Variants in CSMD3 observed in about 807,000 individuals in gnomAD.
The protein encoded by CSMD3 is CUB and sushi domain-containing protein 3.
Under a neutral mutation model 435.2 loss-of-function variants are expected in CSMD3, and 177 were observed. The ratio of observed to expected loss-of-function variants is 0.41; its 90% CI spans 0.36 to 0.46. The LOEUF (loss-of-function observed/expected upper bound fraction) is 0.46, where lower values mean the gene tolerates loss of function less well. CSMD3 is among the 20% of genes least tolerant of loss of function. The pLI, the probability that CSMD3 is intolerant of heterozygous loss-of-function variation, is 0.34. For missense variants in CSMD3, 4,265 were observed against 4,504.6 expected, an observed-to-expected ratio of 0.95 and a Z score of 1.52; for synonymous variants, 1,656 against 1,520.5, an observed-to-expected ratio of 1.09 and a Z score of -2.07.
At chr8:112,934,881 G>A (rs113147540) in intron 9 of CSMD3, among the ~76,000 whole-genome samples, 4,068 of 152,048 alleles carry the variant, frequency 0.027, 66 homozygotes, top group Middle Eastern at 0.048. Flanking sequence ...CTTCATTATT[G>A]TTTCCTTTTC....
At chr8:112,284,488 G>A (rs562494007) in intron 58 of CSMD3, among the ~76,000 whole-genome samples, 1 of 151,476 alleles carries the variant, frequency 6.6e-6, no homozygotes, top group East Asian at 1.9e-4. Flanking sequence ...TTCTAATATA[G>A]CACATAATTT....
intron 25 of CSMD3, among the ~76,000 whole-genome samples, chr8:112,556,396 A>G (rs565822711): frequency 6.6e-6 from 1 of 152,110 alleles, no homozygotes; most frequent in South Asian, 2.1e-4. Flanking sequence ...TGATTCCACA[A>G]TAGGTAATAA....
intron 24 of CSMD3, among the ~76,000 whole-genome samples, chr8:112,560,396 C>G (rs555838251): frequency 6.6e-6 from 1 of 151,680 alleles, no homozygotes; most frequent in Non-Finnish European, 1.5e-5. Context: ...CTATCTAGCA[C>G]AAATCCTGAG....
chr8:113,254,513 C>A (rs78407522), intron 3 of CSMD3, among the ~76,000 whole-genome samples: 4,521 of 152,194 alleles, frequency 0.03, 88 homozygotes, highest in Admixed American at 0.04. Flanking sequence ...AGCTTCTTTG[C>A]CCATTATGTA....
intron 10 of CSMD3, among the ~76,000 whole-genome samples, chr8:112,919,346 G>C (rs2082667074): frequency 6.6e-6 from 1 of 151,090 alleles, no homozygotes; most frequent in African/African-American, 2.4e-5. Flanking sequence ...GTGCCATGGG[G>C]TTTATAAAAA....
chr8:112,867,610 A>T (rs887356468), intron 10 of CSMD3, among the ~76,000 whole-genome samples: 20 of 152,150 alleles, frequency 1.3e-4, no homozygotes, highest in Admixed American at 3.9e-4. Flanking sequence ...ATGTTACTCT[A>T]CTGGATACAC....
intron 3 of CSMD3, among the ~76,000 whole-genome samples, chr8:113,263,972 T>C (rs1310884787): frequency 6.6e-6 from 1 of 151,650 alleles, no homozygotes; most frequent in South Asian, 2.1e-4. Context: ...AGACTTATTA[T>C]TGCTATTGCA....
chr8:112,796,121 G>T (rs1392429831), intron 13 of CSMD3, among the ~76,000 whole-genome samples: 2 of 152,004 alleles, frequency 1.3e-5, no homozygotes, highest in Non-Finnish European at 2.9e-5. Flanking sequence ...GTGTTCTCCT[G>T]CTCTTCACAC....
At chr8:112,388,695 T>A (rs886228068) in intron 36 of CSMD3, among the ~76,000 whole-genome samples, 1 of 152,076 alleles carries the variant, frequency 6.6e-6, no homozygotes, top group African/African-American at 2.4e-5. Context: ...AGGTGAGAGG[T>A]CTGAGTTAGA....
intron 30 of CSMD3, among the ~76,000 whole-genome samples, chr8:112,498,067 T>C (rs1212643393): frequency 6.6e-6 from 1 of 152,134 alleles, no homozygotes; most frequent in Non-Finnish European, 1.5e-5. Context: ...TATGTATTTC[T>C]CTCTACCTAT....
At chr8:112,508,495 T>C (rs904182706) in intron 28 of CSMD3, among the ~76,000 whole-genome samples, 3 of 152,184 alleles carry the variant, frequency 2.0e-5, no homozygotes, top group Admixed American at 1.3e-4. Flanking sequence ...TCTAGGCTCC[T>C]GAACTTTGTC....
intron 5 of CSMD3, among the ~76,000 whole-genome samples, chr8:113,072,589 C>T (rs1370717124): frequency 2.0e-5 from 3 of 151,790 alleles, no homozygotes; most frequent in Non-Finnish European, 3.0e-5. Flanking sequence ...CTCAGTCTCG[C>T]TTGAATTCTA....
At chr8:113,120,257 T>C (rs986151122) in intron 4 of CSMD3, among the ~76,000 whole-genome samples, 1 of 152,110 alleles carries the variant, frequency 6.6e-6, no homozygotes, top group African/African-American at 2.4e-5. Context: ...TGTACTATAG[T>C]TGACAAAACT....
At chr8:112,958,113 G>A (rs1021640745) in intron 7 of CSMD3, among the ~76,000 whole-genome samples, 3 of 151,942 alleles carry the variant, frequency 2.0e-5, no homozygotes, top group African/African-American at 4.8e-5. Flanking sequence ...TTTATTGATC[G>A]TGAACTATGA....
intron 1 of CSMD3, among the ~76,000 whole-genome samples, chr8:113,316,817 T>TG (rs11371552): frequency 0.93 from 142,177 of 152,202 alleles, 66,525 homozygotes; most frequent in East Asian, 1. Flanking sequence ...CCAAAAATGC[T>TG]GGATTACAGG....
chr8:113,267,653 A>C (rs1177618458), intron 3 of CSMD3, among the ~76,000 whole-genome samples: 2 of 151,572 alleles, frequency 1.3e-5, no homozygotes, highest in Admixed American at 1.3e-4. Context: ...AACTTAAGTT[A>C]GATAGAAGGA....
At chr8:113,195,267 C>T (rs2092638052) in intron 3 of CSMD3, among the ~76,000 whole-genome samples, 1 of 148,712 alleles carries the variant, frequency 6.7e-6, no homozygotes, top group South Asian at 2.1e-4. Flanking sequence ...TGTTAACGAC[C>T]TTTGTATTTC....
intron 6 of CSMD3, among the ~76,000 whole-genome samples, chr8:112,992,580 T>C (rs1189803870): frequency 6.6e-6 from 1 of 151,768 alleles, no homozygotes; most frequent in Non-Finnish European, 1.5e-5. Flanking sequence ...GAAGAGCAGA[T>C]GTAAAGGATC....
chr8:113,338,598 T>C (rs1469330799), intron 1 of CSMD3, among the ~76,000 whole-genome samples: 3 of 151,952 alleles, frequency 2.0e-5, no homozygotes, highest in Admixed American at 6.6e-5. Context: ...AAGAACATTA[T>C]GCCAAGTGGA....
Sources: gnomAD v4.1 joint callset for allele counts (sites outside exome capture counted in the v4.1 genomes callset) on GRCh38, gnomAD v4.1.1 for gene constraint, MANE v1.5 for transcripts, NCBI Gene and HGNC (gene_info 2026-07-23, HGNC 2026-07-21) for gene names.